Variants in CEACAM21 observed in about 807,000 individuals in gnomAD.
The protein encoded by CEACAM21 is CEA cell adhesion molecule 21.
Under a neutral mutation model 33.2 loss-of-function variants are expected in CEACAM21, and 38 were observed. The ratio of observed to expected loss-of-function variants is 1.14; its 90% CI spans 0.88 to 1.50. The LOEUF is 1.50. Ranked by LOEUF, CEACAM21 falls within the 40% of genes most tolerant of loss-of-function variation. The pLI is 0.00. For synonymous variants in CEACAM21, 156 were observed against 143.0 expected, an observed-to-expected ratio of 1.09 and a Z score of -0.65; for missense variants, 385 against 364.6, an observed-to-expected ratio of 1.06 and a Z score of -0.46.
At chr19:41,554,826 C>A (rs572461663) in intron 1 of CEACAM21, 1 of 152,046 alleles carries the variant, frequency 6.6e-6, no homozygotes, top group Admixed American at 6.6e-5. Context: ...ACCCCTTCAA[C>A]TTTAGTCAAT....
intron 3 of CEACAM21, among the ~76,000 whole-genome samples, chr19:41,581,424 T>C (rs1159377517): frequency 6.6e-6 from 1 of 152,228 alleles, no homozygotes; most frequent in Admixed American, 6.5e-5. Flanking sequence ...TGTTTGGGGC[T>C]CTCAGCTCTG....
chr19:41,567,529 A>G lies in CEACAM21; in HGVS notation c.-404+2473A>G, dbSNP rs187258979. On this transcript the variant is annotated intron_variant, in intron 2 of 7. Transcript: ENST00000407170. ...CAATTTAGCAATTTTGCTACTGCATAAAAGGGTGCCCCCTTTTCAAGCCCA... is the reference window on the plus strand; with the variant it reads ...CAATTTAGCAATTTTGCTACTGCATGAAAGGGTGCCCCCTTTTCAAGCCCA... Among the ~76,000 whole-genome samples the G allele has an allele frequency of 9.2e-5, 14 of 152,346 alleles. 1 individual carries two copies. The highest frequency in any genetic ancestry group is 1.5e-5 in the Non-Finnish European group (1 of 68,030).
intron 1 of CEACAM21, among the ~76,000 whole-genome samples, chr19:41,557,746 C>T (rs2041624545): frequency 6.6e-6 from 1 of 152,228 alleles, no homozygotes; most frequent in Admixed American, 6.5e-5. Context: ...GCAAAATGGT[C>T]TCGTTTGTCA....
At chr19:41,565,119 G>C (rs1472426504) in intron 2 of CEACAM21, 2 of 152,628 alleles carry the variant, frequency 1.3e-5, no homozygotes, top group African/African-American at 2.4e-5. Flanking sequence ...TGGGAGGCCA[G>C]CTGTGGCTGG....
chr19:41,583,056 T>C (rs114138870), intron 3 of CEACAM21, among the ~76,000 whole-genome samples: 2,992 of 152,328 alleles, frequency 0.02, 90 homozygotes, highest in African/African-American at 0.068. Flanking sequence ...TGTAAATACA[T>C]AAAACTGAGT....
At position 41,579,453 on chromosome 19, in the gene CEACAM21, C is replaced by G. The variant is rs1555792566; in HGVS notation, c.525C>G (p.Phe175Leu). The G allele has an allele frequency of 2.5e-6, 4 of 1,613,898 alleles. No individual in the cohort carries two copies. The highest frequency in any genetic ancestry group is 3.4e-6 in the Non-Finnish European group (4 of 1,179,860). The change falls in exon 3 of 7, where the codon TTC (phenylalanine) becomes TTG (leucine). Residue 175 changes from phenylalanine to leucine, a missense_variant. Coordinates refer to ENST00000401445, the MANE Select transcript of CEACAM21 (RefSeq NM_001098506.4). ...TCHTNNTGTSFQWIFNNQRLQ... is the reference protein window; with the variant it reads ...TCHTNNTGTSLQWIFNNQRLQ... ...ACACAAATAACACTGGAACCTCTTT[C>G]CAGTGGATTTTCAACAACCAGCGTC...
intron 2 of CEACAM21, chr19:41,579,140 G>A: frequency 4.3e-6 from 3 of 704,966 alleles, no homozygotes. Context: ...CCTGGTCCTG[G>A]TCTGAGGCAG....
At chr19:41,556,581 C>A (rs1250401539) in intron 1 of CEACAM21, among the ~76,000 whole-genome samples, 1 of 152,196 alleles carries the variant, frequency 6.6e-6, no homozygotes, top group African/African-American at 2.4e-5. Context: ...GCGATTTCCA[C>A]TCTTTAAACT....
At chr19:41,568,182 AAT>A in intron 2 of CEACAM21, among the ~76,000 whole-genome samples, 1 of 151,712 alleles carries the variant, frequency 6.6e-6, no homozygotes, top group Non-Finnish European at 1.5e-5. Flanking sequence ...TATATTTACA[AAT>A]ATATATGTAT....
chr19:41,585,958 AC>A, intron 6 of CEACAM21, 87 bp downstream of exon 6: 2 of 1,336,064 alleles, frequency 1.5e-6, no homozygotes, highest in South Asian at 1.2e-5. Flanking sequence ...CCCAGCACAA[AC>A]CCACCCTACC....
At chr19:41,572,898 G>A (rs138233595), upstream of CEACAM21, among the ~76,000 whole-genome samples, 170 of 152,270 alleles carry the variant, frequency 1.1e-3, 1 homozygote, top group African/African-American at 3.8e-3. Flanking sequence ...CCTGATAGTG[G>A]TGCAGGACTC....
Position 41,577,638 on chromosome 19 carries a change from G to A in CEACAM21, c.424+79G>A, listed in dbSNP as rs189351019. 1.1e-4 allele frequency: 182 copies of A among 1,584,034 alleles called. 1 individual carries two copies. In the African/African-American group the frequency reaches 2.0e-3, roughly 17 times the overall value. On this transcript the variant is annotated intron_variant, in intron 2 of 6. Coordinates refer to ENST00000401445, the MANE Select transcript of CEACAM21 (RefSeq NM_001098506.4). Reference sequence around the variant, plus strand: ...CGCAGGATTGTCAGGCCTGGGCTGTGCCTGCATCCCCCTCTGCATTACGTC... The same window carrying A: ...CGCAGGATTGTCAGGCCTGGGCTGTACCTGCATCCCCCTCTGCATTACGTC...
intron 1 of CEACAM21, among the ~76,000 whole-genome samples, chr19:41,563,066 G>A (rs1361606457): frequency 6.6e-6 from 1 of 152,106 alleles, no homozygotes; most frequent in African/African-American, 2.4e-5. Context: ...AGCACATAAC[G>A]AAATATATGG....
At chr19:41,585,392 AT>A (rs1352183097) in intron 4 of CEACAM21, 50 bp from the exon 5 acceptor site, 1 of 1,599,798 alleles carries the variant, frequency 6.3e-7, no homozygotes, top group African/African-American at 1.3e-5. Context: ...TTTAACTCCA[AT>A]TTGTGACTTT....
At chr19:41,564,882 T>C (rs1162022879) in exon 2 of CEACAM21, 2 of 152,246 alleles carry the variant, frequency 1.3e-5, no homozygotes, top group Non-Finnish European at 2.9e-5. Flanking sequence ...CAGAGATCAC[T>C]TGGCGCTAAC....
intron 3 of CEACAM21, 98 bp from the exon 4 acceptor site, chr19:41,584,249 A>C: frequency 9.9e-7 from 1 of 1,009,456 alleles, no homozygotes; most frequent in Admixed American, 2.1e-5. Context: ...GCTCCATGGC[A>C]TTTCCTTCCT....
chr19:41,564,613 A>G (rs187369013), intron 1 of CEACAM21: 1 of 152,312 alleles, frequency 6.6e-6, no homozygotes, highest in East Asian at 1.9e-4. Context: ...CGCGGGACCA[A>G]CTACTGATCC....
chr19:41,584,866 TTGAC>T (rs2070605915), intron 4 of CEACAM21, among the ~76,000 whole-genome samples: 1 of 152,172 alleles, frequency 6.6e-6, no homozygotes, highest in Non-Finnish European at 1.5e-5. Flanking sequence ...CAGCACCCCT[TTGAC>T]TGACATGGTA....
intron 3 of CEACAM21, among the ~76,000 whole-genome samples, chr19:41,582,125 C>T (rs1164185687): frequency 1.3e-5 from 2 of 152,222 alleles, no homozygotes; most frequent in Non-Finnish European, 2.9e-5. Context: ...CTGGCCAAAA[C>T]AAAGGGGCTA....
Sources: allele counts gnomAD v4.1 joint callset (sites outside exome capture counted in the v4.1 genomes callset), GRCh38; gene constraint gnomAD v4.1.1; transcripts MANE v1.5; gene names NCBI Gene and HGNC (gene_info 2026-07-23, HGNC 2026-07-21).